PLXDC1: variants seen among roughly 807,000 people sequenced by gnomAD.
The protein encoded by PLXDC1 is plexin domain containing 1, also known as plexin domain-containing protein 1.
A neutral mutation model predicts 61.3 loss-of-function variants in PLXDC1; 39 were observed. That is an observed-to-expected ratio of 0.64 (90% CI 0.49 to 0.83). PLXDC1 has a LOEUF of 0.83. PLXDC1 is among the 40% of genes least tolerant of loss of function. The pLI, the probability that PLXDC1 is intolerant of heterozygous loss-of-function variation, is 0.00. For synonymous variants in PLXDC1, 212 were observed against 254.5 expected (o/e 0.83, Z 1.59); for missense variants, 596 against 666.5 (o/e 0.89, Z 1.17).
intron 7 of PLXDC1, among the ~76,000 whole-genome samples, chr17:39,100,976 G>A (rs1372452395): frequency 2.0e-5 from 3 of 152,206 alleles, no homozygotes; most frequent in Admixed American, 6.5e-5. Flanking sequence ...CTGTAGTGGG[G>A]TGCACTGACT....
chr17:39,108,672 G>C lies in PLXDC1; in HGVS notation c.469+232C>G, dbSNP rs747497399. The C allele has an allele frequency of 1.2e-5, 7 of 571,464 alleles. No homozygotes were observed. The East Asian group carries it at 1.5e-4, about 12-fold the overall frequency. The allele number at this position is 571,464 out of a possible 1,614,324, so 35.4% of individuals were successfully genotyped here. On this transcript the variant is annotated intron_variant, in intron 4 of 13. Transcript: ENST00000315392. ...GACACAGGGCTGTCCACACTGACTC[G>C]TGCTGGCCCGAGGAGACACACACGT...
chr17:39,086,660 A>C (rs972757642), intron 8 of PLXDC1, among the ~76,000 whole-genome samples: 1 of 151,990 alleles, frequency 6.6e-6, no homozygotes, highest in African/African-American at 2.4e-5. Flanking sequence ...TCAGGAGTTC[A>C]AAACCAGCCT....
intron 7 of PLXDC1, among the ~76,000 whole-genome samples, chr17:39,100,471 G>A (rs1244732109): frequency 6.6e-6 from 1 of 152,128 alleles, no homozygotes; most frequent in Non-Finnish European, 1.5e-5. Context: ...GGCCAGGCTG[G>A]TCTCAAACTC....
intron 1 of PLXDC1, among the ~76,000 whole-genome samples, chr17:39,145,599 T>C (rs1236539582): frequency 6.6e-6 from 1 of 151,824 alleles, no homozygotes; most frequent in Non-Finnish European, 1.5e-5. Flanking sequence ...GCTCATCCTG[T>C]CCCACAGGCT....
chr17:39,076,719 GT>G (rs893396956), intron 11 of PLXDC1, among the ~76,000 whole-genome samples: 9 of 151,914 alleles, frequency 5.9e-5, no homozygotes, highest in African/African-American at 2.2e-4. Flanking sequence ...TGGATGCAGG[GT>G]TTTGTTTTGT....
chr17:39,112,457 C>CTTTTTTTTTT (rs11448360), intron 2 of PLXDC1, among the ~76,000 whole-genome samples: 1 of 121,112 alleles, frequency 8.3e-6, no homozygotes, highest in Non-Finnish European at 1.6e-5. Flanking sequence ...TTTTTTCTTT[C>CTTTTTTTTTT]TTTTTTTTTT....
intron 7 of PLXDC1, among the ~76,000 whole-genome samples, chr17:39,098,393 G>A (rs1306713697): frequency 6.6e-6 from 1 of 152,070 alleles, no homozygotes; most frequent in Non-Finnish European, 1.5e-5. Flanking sequence ...TAGAGCAGAG[G>A]ACAAGGTCTA....
At chr17:39,129,729 A>AAAGAAAGAAAGAAAG (rs368912357) in intron 2 of PLXDC1, among the ~76,000 whole-genome samples, 2 of 39,324 alleles carry the variant, frequency 5.1e-5, no homozygotes, top group African/African-American at 2.5e-4. Flanking sequence ...AGAAAGAAAG[A>AAAGAAAGAAAGAAAG]AAAGAAAGAA....
At chr17:39,121,043 G>T (rs554925637) in intron 2 of PLXDC1, among the ~76,000 whole-genome samples, 1 of 151,808 alleles carries the variant, frequency 6.6e-6, no homozygotes, top group Admixed American at 6.6e-5. Context: ...GTTTCACCAT[G>T]TTGCCCAGTC....
intron 2 of PLXDC1, among the ~76,000 whole-genome samples, chr17:39,133,330 G>GCAGA (rs1911624912): frequency 6.6e-6 from 1 of 152,130 alleles, no homozygotes; most frequent in Non-Finnish European, 1.5e-5. Context: ...TCGGGCGTGT[G>GCAGA]CAGACACCCT....
intron 7 of PLXDC1, 92 bp from the exon 8 acceptor site, chr17:39,087,794 G>A: frequency 1.2e-6 from 1 of 841,848 alleles, no homozygotes; most frequent in Non-Finnish European, 1.9e-6. Context: ...TCAGCCTGCT[G>A]CACTGAAGGC....
chr17:39,108,856 G>A (rs772527281), intron 4 of PLXDC1, 48 bp downstream of exon 4: 20 of 1,337,064 alleles, frequency 1.5e-5, no homozygotes, highest in Non-Finnish European at 1.8e-5. Flanking sequence ...CCCTGAGTTC[G>A]GGCTGAGGTC....
intron 7 of PLXDC1, among the ~76,000 whole-genome samples, chr17:39,101,325 G>A (rs1041245733): frequency 6.6e-6 from 1 of 152,236 alleles, no homozygotes; most frequent in African/African-American, 2.4e-5. Context: ...GGTGCCTGCT[G>A]TCTGACAGAC....
rs1229407471 is a variant in PLXDC1, at chr17:39,063,603, ACAG to A, written c.*4234_*4236del. ...AAATCCTTTGCACTTTCTTTTGCAC[ACAG>A]CAGGAGTTGTAAAAGAATGCTTCCT... On this transcript the variant is annotated 3_prime_UTR_variant, in exon 14 of 14. Coordinates refer to ENST00000315392, the MANE Select transcript of PLXDC1 (RefSeq NM_020405.5). 1 of 654,036 alleles carries A rather than the reference ACAG, an allele frequency of 1.5e-6. No homozygotes were observed. Among genetic ancestry groups the A allele is most frequent in the African/African-American group, 1.8e-5 (1 of 55,286 alleles). 40.5% of individuals were successfully genotyped at this position (654,036 alleles called of 1,614,324 possible).
intron 4 of PLXDC1, chr17:39,108,589 C>T (rs1910679903): frequency 3.9e-6 from 2 of 509,564 alleles, no homozygotes; most frequent in Non-Finnish European, 3.5e-6. Flanking sequence ...GGGAGCCTGG[C>T]CCCAGGAGCC....
rs1401029171 is a variant in PLXDC1, at chr17:39,067,698, G to A, written c.*142C>T. ...AATATTCGGGGTGTGCTGACGAAGC[G>A]AGCAGCAGCTCTGGAGCCATAAACC... On this transcript the variant is annotated 3_prime_UTR_variant, in exon 14 of 14. Coordinates refer to ENST00000315392, the MANE Select transcript of PLXDC1 (RefSeq NM_020405.5). 4 of 781,476 alleles carry A rather than the reference G, an allele frequency of 5.1e-6. No homozygotes were observed. The highest frequency in any genetic ancestry group is 3.4e-5 in the African/African-American group (2 of 57,980). 48.4% of individuals were successfully genotyped at this position (781,476 alleles called of 1,614,324 possible).
intron 4 of PLXDC1, 79 bp from the exon 5 acceptor site, chr17:39,108,324 G>A: frequency 6.8e-7 from 1 of 1,465,276 alleles, no homozygotes; most frequent in Non-Finnish European, 9.5e-7. Context: ...CCAAGGGCAA[G>A]AAGGGCAGCG....
chr17:39,125,925 C>T (rs982141470), intron 2 of PLXDC1, among the ~76,000 whole-genome samples: 2 of 152,092 alleles, frequency 1.3e-5, no homozygotes, highest in East Asian at 1.9e-4. Flanking sequence ...TCCTCTGCTT[C>T]GTAGCCTTTG....
rs1476563772 is a variant in PLXDC1 at position 39,107,472 on chromosome 17, T to C, written c.646A>G (p.Lys216Glu). Residue 216 changes from lysine to glutamate, a missense_variant, in exon 6 of 14, where the codon AAG becomes GAG. Physicochemically the swap from Lys to Glu is moderately conservative, Grantham distance 56. Transcript: ENST00000315392. ...GCTGCCTGGAAGGTGAAACTGCCCT[T>C]GTCTTCCCAGCCTTGGAGATAAACG... is the stretch of plus-strand genomic sequence containing the variant. ...DHVYLQGWED[K>E]GSFTFQAALH... The C allele has an allele frequency of 3.1e-6, 5 of 1,614,004 alleles. No homozygotes were observed. Among genetic ancestry groups the C allele is most frequent in the Non-Finnish European group, 4.2e-6 (5 of 1,180,000 alleles).
Sources: allele counts gnomAD v4.1 joint callset (sites outside exome capture counted in the v4.1 genomes callset), GRCh38; gene constraint gnomAD v4.1.1; transcripts MANE v1.5; gene names NCBI Gene and HGNC (gene_info 2026-07-23, HGNC 2026-07-21).